Variants in TMEM178B observed in about 807,000 individuals in gnomAD.
TMEM178B encodes transmembrane protein 178B.
Under a neutral mutation model 31.0 loss-of-function variants are expected in TMEM178B, and 5 were observed. The ratio of observed to expected loss-of-function variants is 0.16; its 90% CI spans 0.08 to 0.34. The LOEUF is 0.34. TMEM178B is among the 10% of genes least tolerant of loss of function. The pLI is 1.00. For missense variants in TMEM178B, 275 were observed against 400.3 expected (o/e 0.69, Z 2.67); for synonymous variants, 164 against 164.0 (o/e 1.00, Z 0.00).
At chr7:141,130,640 A>T (rs1023817269) in intron 1 of TMEM178B, among the ~76,000 whole-genome samples, 1 of 152,128 alleles carries the variant, frequency 6.6e-6, no homozygotes, top group South Asian at 2.1e-4. Flanking sequence ...ATTTTTGTTC[A>T]TATCTTTAAT....
intron 2 of TMEM178B, among the ~76,000 whole-genome samples, chr7:141,384,608 G>A (rs187603538): frequency 5.8e-4 from 88 of 152,258 alleles, no homozygotes; most frequent in African/African-American, 2.1e-3. Context: ...ATGCTGTTTT[G>A]GTTACTGTAG....
In TMEM178B at chr7:141,380,532, T is replaced by TACTACCAGGATTATTTTGTGC; in HGVS notation, c.497-57075_497-57055dup. On this transcript the variant is annotated intron_variant, in intron 2 of 3. Coordinates refer to ENST00000565468, the MANE Select transcript of TMEM178B (RefSeq NM_001195278.2). ...TCTTGCTCAAGTAGAATATGTTGTT[T>TACTACCAGGATTATTTTGTGC]ACTACCAGGATTATTTTGTGCTATG... 3.9e-5 allele frequency among the ~76,000 whole-genome samples: 6 copies of TACTACCAGGATTATTTTGTGC among 152,350 alleles called. No homozygotes were observed. The South Asian group carries it at 1.2e-3, about 32-fold the overall frequency.
At chr7:141,374,430 A>T (rs1800175196) in intron 2 of TMEM178B, among the ~76,000 whole-genome samples, 1 of 152,206 alleles carries the variant, frequency 6.6e-6, no homozygotes. Context: ...ACTCTTGTGC[A>T]TACAACCTTC....
chr7:141,093,952 A>C (rs568832770), intron 1 of TMEM178B, among the ~76,000 whole-genome samples: 1 of 152,322 alleles, frequency 6.6e-6, no homozygotes, highest in Admixed American at 6.5e-5. Flanking sequence ...TTTTTAAAGG[A>C]GTTTTGGTAT....
chr7:141,137,325 C>A (rs188237219), intron 1 of TMEM178B, among the ~76,000 whole-genome samples: 3 of 152,230 alleles, frequency 2.0e-5, no homozygotes, highest in Admixed American at 2.0e-4. Context: ...TGTCCATCAA[C>A]AGATGAATAG....
intron 2 of TMEM178B, among the ~76,000 whole-genome samples, chr7:141,301,323 T>C (rs1373043900): frequency 6.6e-6 from 1 of 152,218 alleles, no homozygotes; most frequent in Non-Finnish European, 1.5e-5. Flanking sequence ...TTAATAAACA[T>C]GCACAATATA....
chr7:141,460,360 C>T (rs1335772855), intron 3 of TMEM178B, among the ~76,000 whole-genome samples: 2 of 152,218 alleles, frequency 1.3e-5, no homozygotes, highest in Non-Finnish European at 2.9e-5. Flanking sequence ...AGCTCCTCCT[C>T]TTATAAGGAC....
At chr7:141,400,227 C>T (rs1345347187) in intron 2 of TMEM178B, among the ~76,000 whole-genome samples, 1 of 152,148 alleles carries the variant, frequency 6.6e-6, no homozygotes, top group Non-Finnish European at 1.5e-5. Context: ...TTTTATCTTT[C>T]CTGCATCTAT....
intron 1 of TMEM178B, among the ~76,000 whole-genome samples, chr7:141,164,382 A>C (rs1796228122): frequency 6.6e-6 from 1 of 152,146 alleles, no homozygotes; most frequent in Admixed American, 6.6e-5. Context: ...TATGGGTGCA[A>C]TTATATTAAT....
chr7:141,508,447 C>A, the TMEM178B span, among the ~76,000 whole-genome samples: 1 of 152,222 alleles, frequency 6.6e-6, no homozygotes, highest in Admixed American at 6.5e-5. Context: ...CCAAACTGTT[C>A]CAACCTCTGC....
chr7:141,215,428 C>G (rs140153430), intron 2 of TMEM178B, among the ~76,000 whole-genome samples: 19 of 151,528 alleles, frequency 1.3e-4, no homozygotes, highest in Non-Finnish European at 2.4e-4. Context: ...TGGGTTCATG[C>G]GATTCTCCTG....
intron 1 of TMEM178B, among the ~76,000 whole-genome samples, chr7:141,165,482 G>A (rs1023024393): frequency 6.6e-6 from 1 of 152,134 alleles, no homozygotes; most frequent in Non-Finnish European, 1.5e-5. Context: ...CTTACTACTG[G>A]CAATGGTAAC....
intron 3 of TMEM178B, among the ~76,000 whole-genome samples, chr7:141,459,098 C>T (rs976178047): frequency 1.3e-5 from 2 of 152,184 alleles, no homozygotes; most frequent in African/African-American, 2.4e-5. Flanking sequence ...GGCGTGATCT[C>T]GGCTCACTGC....
At chr7:141,349,869 G>GGCA (rs1469164269) in intron 2 of TMEM178B, among the ~76,000 whole-genome samples, 1 of 152,136 alleles carries the variant, frequency 6.6e-6, no homozygotes, top group Non-Finnish European at 1.5e-5. Flanking sequence ...TCATGGAGAA[G>GGCA]GCAGCCCCCT....
At chr7:141,507,973 G>A in the TMEM178B span, among the ~76,000 whole-genome samples, 908 of 152,340 alleles carry the variant, frequency 6.0e-3, 11 homozygotes, top group African/African-American at 0.021. Flanking sequence ...GCATTAACAT[G>A]ATGCTCCTTG....
chr7:141,500,514 A>G, the TMEM178B span, among the ~76,000 whole-genome samples: 2 of 152,298 alleles, frequency 1.3e-5, no homozygotes, highest in East Asian at 1.9e-4. Context: ...TCCAAACTCT[A>G]TTTTGTATCT....
At chr7:141,292,799 G>A (rs1215219181) in intron 2 of TMEM178B, among the ~76,000 whole-genome samples, 3 of 151,844 alleles carry the variant, frequency 2.0e-5, no homozygotes, top group Admixed American at 2.0e-4. Context: ...CACCATGCCC[G>A]GCTAATTTTT....
rs1166164518 is a variant in TMEM178B, at chr7:141,474,324, A to C, written c.*3538A>C. The C allele has an allele frequency of 6.6e-6, 1 of 152,202 alleles. No individual in the cohort carries two copies. The highest frequency in any genetic ancestry group is 1.9e-4 in the East Asian group (1 of 5,194). The allele number at this position is 152,202 out of a possible 1,614,324, so 9.4% of individuals were successfully genotyped here. A position where few individuals can be genotyped will look rare whatever the true frequency, so the allele number is the denominator to read the frequency against. ...CTCACTCCTACTTTCTCCTGCATCA[A>C]CTTTGGTCAATTAACATAGACAAGT... On this transcript the variant is annotated 3_prime_UTR_variant, in exon 4 of 4. Transcript: ENST00000565468.
intron 2 of TMEM178B, among the ~76,000 whole-genome samples, chr7:141,284,802 C>T (rs1439097896): frequency 6.6e-6 from 1 of 152,150 alleles, no homozygotes; most frequent in Non-Finnish European, 1.5e-5. Context: ...CCGTGAGGGT[C>T]TGGACTGCTC....
Sources: gnomAD v4.1 joint callset for allele counts (sites outside exome capture counted in the v4.1 genomes callset) on GRCh38, gnomAD v4.1.1 for gene constraint, MANE v1.5 for transcripts, NCBI Gene and HGNC (gene_info 2026-07-23, HGNC 2026-07-21) for gene names.